The following KLHL1 variants were observed in gnomAD, a reference collection of about 807,000 sequenced individuals.
KLHL1 encodes kelch like family member 1.
KLHL1 carries 47 observed loss-of-function variants against 77.7 expected under a neutral mutation model. The observed-to-expected ratio is 0.60, with a 90% confidence interval of 0.48 to 0.77. The LOEUF (loss-of-function observed/expected upper bound fraction) is 0.77. Ranked by LOEUF, KLHL1 falls within the 30% of genes least tolerant of loss-of-function variation. KLHL1 has a pLI of 0.00. For synonymous variants in KLHL1, 360 were observed against 325.2 expected (o/e 1.11, Z -1.15); for missense variants, 925 against 910.8 (o/e 1.02, Z -0.20).
intron 8 of KLHL1, among the ~76,000 whole-genome samples, chr13:69,728,834 TTGAA>T (rs900529879): frequency 1.3e-5 from 2 of 151,686 alleles, no homozygotes; most frequent in African/African-American, 2.4e-5. Flanking sequence ...ACATGAAGAT[TTGAA>T]TGAATGAATG....
intron 1 of KLHL1, among the ~76,000 whole-genome samples, chr13:70,071,831 T>C (rs1263459272): frequency 6.6e-6 from 1 of 152,048 alleles, no homozygotes; most frequent in African/African-American, 2.4e-5. Flanking sequence ...TGGAATACAG[T>C]ACATACAGCA....
intron 10 of KLHL1, among the ~76,000 whole-genome samples, chr13:69,706,442 C>T (rs1425018226): frequency 6.6e-6 from 1 of 151,842 alleles, no homozygotes; most frequent in African/African-American, 2.4e-5. Flanking sequence ...ACCATCAAAA[C>T]TTGCAAAATC....
chr13:70,011,420 T>A (rs1885531399), intron 1 of KLHL1, among the ~76,000 whole-genome samples: 1 of 152,334 alleles, frequency 6.6e-6, no homozygotes, highest in South Asian at 2.1e-4. Flanking sequence ...TTTTGAGTAG[T>A]TATTTATGCC....
intron 1 of KLHL1, among the ~76,000 whole-genome samples, chr13:70,034,979 G>GT: frequency 6.6e-6 from 1 of 152,060 alleles, no homozygotes; most frequent in Admixed American, 6.5e-5. Context: ...TAAATAAAGT[G>GT]ATTTTTGTAG....
At chr13:69,878,531 C>T (rs1211612355) in intron 5 of KLHL1, among the ~76,000 whole-genome samples, 9 of 152,038 alleles carry the variant, frequency 5.9e-5, no homozygotes, top group Admixed American at 5.2e-4. Context: ...AATATAGACT[C>T]TTGCCTCCTT....
intron 7 of KLHL1, among the ~76,000 whole-genome samples, chr13:69,793,469 T>A (rs899584702): frequency 6.8e-6 from 1 of 147,468 alleles, no homozygotes; most frequent in Non-Finnish European, 1.5e-5. Flanking sequence ...ACTACAGAAC[T>A]CATGTGACTT....
intron 7 of KLHL1, among the ~76,000 whole-genome samples, chr13:69,762,940 C>A (rs1482922531): frequency 6.6e-6 from 1 of 151,972 alleles, no homozygotes; most frequent in Non-Finnish European, 1.5e-5. Flanking sequence ...AATTTTCTTG[C>A]TCCATAATCA....
intron 1 of KLHL1, among the ~76,000 whole-genome samples, chr13:70,038,363 A>T (rs1468907984): frequency 2.6e-5 from 4 of 152,116 alleles, no homozygotes; most frequent in Admixed American, 2.6e-4. Context: ...GTTATGAACA[A>T]TGGTGCACAG....
At chr13:70,090,014 GC>G (rs370138516) in intron 1 of KLHL1, among the ~76,000 whole-genome samples, 17 of 152,112 alleles carry the variant, frequency 1.1e-4, no homozygotes, top group Middle Eastern at 3.4e-3. Context: ...CCTCTGAAAA[GC>G]CCATTTAATC....
chr13:70,051,235 C>T (rs118173146), intron 1 of KLHL1, among the ~76,000 whole-genome samples: 70 of 151,978 alleles, frequency 4.6e-4, no homozygotes, highest in Non-Finnish European at 8.8e-4. Context: ...TTTATTTAAT[C>T]GTAATTAGTA....
intron 1 of KLHL1, among the ~76,000 whole-genome samples, chr13:70,026,076 C>T (rs1885933533): frequency 1.3e-5 from 2 of 152,184 alleles, no homozygotes; most frequent in South Asian, 4.1e-4. Context: ...AGAGGATATC[C>T]CTCTGGCTGC....
At chr13:69,798,631 AT>A (rs1209038310) in intron 6 of KLHL1, among the ~76,000 whole-genome samples, 1 of 152,010 alleles carries the variant, frequency 6.6e-6, no homozygotes, top group African/African-American at 2.4e-5. Flanking sequence ...TATATTTATT[AT>A]ATTGGATATT....
chr13:70,106,138 A>T (rs528914975), intron 1 of KLHL1, among the ~76,000 whole-genome samples: 1 of 151,672 alleles, frequency 6.6e-6, no homozygotes, highest in Non-Finnish European at 1.5e-5. Flanking sequence ...TCTTTTTGGT[A>T]CTTAATCAAA....
chr13:69,994,592 G>T (rs1432181053), intron 1 of KLHL1, among the ~76,000 whole-genome samples: 1 of 152,034 alleles, frequency 6.6e-6, no homozygotes, highest in African/African-American at 2.4e-5. Flanking sequence ...TTACAGTATT[G>T]TACTAATGTA....
Position 69,961,424 on chromosome 13 carries a change from G to A in KLHL1, c.701C>T (p.Ser234Phe). 1 of 1,612,798 alleles carries A rather than the reference G, an allele frequency of 6.2e-7. No homozygotes were observed. Among genetic ancestry groups the A allele is most frequent in the Non-Finnish European group, 8.5e-7 (1 of 1,179,286 alleles). ...TGTAAACATGGCCGCAAAATAGTCG[G>A]AGACTGAACTCAGAACAAGCCTGAA... ...PAHRLVLSSV[S>F]DYFAAMFTSD... Residue 234 changes from serine (S) to phenylalanine (F), a missense_variant, in exon 3 of 11, where the codon TCC becomes TTC. Ser to Phe is a radical substitution (Grantham distance 155). Coordinates refer to ENST00000377844, the MANE Select transcript of KLHL1 (RefSeq NM_020866.3).
chr13:69,846,327 T>C (rs1010514034), intron 5 of KLHL1, among the ~76,000 whole-genome samples: 2 of 151,558 alleles, frequency 1.3e-5, no homozygotes, highest in Non-Finnish European at 3.0e-5. Flanking sequence ...TGATGCGTTA[T>C]AGGGTAACCC....
At chr13:69,750,834 A>G (rs1322264621) in intron 7 of KLHL1, among the ~76,000 whole-genome samples, 1 of 152,060 alleles carries the variant, frequency 6.6e-6, no homozygotes, top group African/African-American at 2.4e-5. Context: ...TTTGGCTGAC[A>G]ATAGTGATTA....
intron 6 of KLHL1, among the ~76,000 whole-genome samples, chr13:69,820,531 G>T (rs542741477): frequency 6.6e-6 from 1 of 152,154 alleles, no homozygotes; most frequent in African/African-American, 2.4e-5. Flanking sequence ...TTGAAAAAGG[G>T]AATTGGCCAA....
chr13:69,745,152 A>G (rs960160635), intron 7 of KLHL1, among the ~76,000 whole-genome samples: 22 of 151,914 alleles, frequency 1.4e-4, no homozygotes, highest in Non-Finnish European at 3.1e-4. Flanking sequence ...AGTCATCCTG[A>G]TGAGTGAGTA....
Sources: allele counts gnomAD v4.1 joint callset (sites outside exome capture counted in the v4.1 genomes callset), GRCh38; gene constraint gnomAD v4.1.1; transcripts MANE v1.5; gene names NCBI Gene and HGNC (gene_info 2026-07-23, HGNC 2026-07-21).